ROBO2: variants seen among roughly 807,000 people sequenced by gnomAD.
The protein encoded by ROBO2 is roundabout guidance receptor 2, also known as roundabout homolog 2.
A neutral mutation model predicts 160.8 loss-of-function variants in ROBO2; 53 were observed. That is an observed-to-expected ratio of 0.33 (90% confidence interval 0.26 to 0.41). The LOEUF (loss-of-function observed/expected upper bound fraction) is 0.41, where lower values mean the gene tolerates loss of function less well. Among genes scored for constraint, ROBO2 ranks in the 10% least tolerant of loss-of-function variants. The probability of loss-of-function intolerance (pLI) is 1.00; values close to 1 mark genes in which losing one functional copy is unlikely to be tolerated. For missense variants in ROBO2, 1,577 were observed against 1,722.4 expected (o/e 0.92, Z 1.49); for synonymous variants, 664 against 611.7 (o/e 1.09, Z -1.26).
intron 2 of ROBO2, among the ~76,000 whole-genome samples, chr3:76,310,170 C>A (rs2107777746): frequency 6.6e-6 from 1 of 152,306 alleles, no homozygotes; most frequent in African/African-American, 2.4e-5. Flanking sequence ...ACGTCATCTT[C>A]ATCCAGGGGC....
intron 2 of ROBO2, among the ~76,000 whole-genome samples, chr3:77,155,006 C>T (rs1489663838): frequency 1.3e-5 from 2 of 151,386 alleles, no homozygotes; most frequent in Non-Finnish European, 2.9e-5. Flanking sequence ...ACGTATACTC[C>T]CTGAAACTAA....
chr3:76,060,366 G>A (rs1474000780), intron 2 of ROBO2, among the ~76,000 whole-genome samples: 1 of 152,196 alleles, frequency 6.6e-6, no homozygotes, highest in African/African-American at 2.4e-5. Context: ...GAGTGAATAA[G>A]TATGTCTGTG....
chr3:76,066,787 TTTA>T (rs2068267055), intron 2 of ROBO2, among the ~76,000 whole-genome samples: 1 of 151,842 alleles, frequency 6.6e-6, no homozygotes, highest in African/African-American at 2.4e-5. Flanking sequence ...AAATTTCATG[TTTA>T]TTAAGTTTTA....
At chr3:77,436,939 T>C (rs2079353231) in intron 2 of ROBO2, among the ~76,000 whole-genome samples, 1 of 151,992 alleles carries the variant, frequency 6.6e-6, no homozygotes, top group African/African-American at 2.4e-5. Context: ...TATTTTATTA[T>C]TAAGAAGTGT....
intron 2 of ROBO2, among the ~76,000 whole-genome samples, chr3:77,291,763 T>G (rs1007868592): frequency 7.1e-6 from 1 of 141,390 alleles, no homozygotes; most frequent in African/African-American, 2.7e-5. Context: ...CACCCAGACA[T>G]AAAGTAAAAT....
intron 2 of ROBO2, among the ~76,000 whole-genome samples, chr3:76,146,864 CCACACACACACT>C (rs1448318515): frequency 1.4e-5 from 2 of 147,422 alleles, no homozygotes; most frequent in African/African-American, 2.5e-5. Context: ...CTCCCCTCCA[CCACACACACACT>C]CACACACACA....
At chr3:77,400,438 G>C (rs959795061) in intron 2 of ROBO2, among the ~76,000 whole-genome samples, 1 of 152,124 alleles carries the variant, frequency 6.6e-6, no homozygotes, top group African/African-American at 2.4e-5. Flanking sequence ...GTCTTTTGGG[G>C]GGCCTTTTAA....
intron 2 of ROBO2, among the ~76,000 whole-genome samples, chr3:77,148,722 A>T (rs186085271): frequency 6.6e-6 from 1 of 152,202 alleles, no homozygotes; most frequent in Non-Finnish European, 1.5e-5. Context: ...TATGTCAAGC[A>T]AATACCGCTA....
chr3:75,937,519 C>A, exon 2 of ROBO2: 1 of 1,575,718 alleles, frequency 6.3e-7, no homozygotes, highest in Admixed American at 1.7e-5. Flanking sequence ...GAACGTGTCA[C>A]TAGAAGGATG....
intron 2 of ROBO2, among the ~76,000 whole-genome samples, chr3:76,565,920 T>C (rs998781267): frequency 1.3e-5 from 2 of 152,098 alleles, no homozygotes; most frequent in African/African-American, 4.8e-5. Context: ...TGAATGACCA[T>C]GTCAACTCCC....
At position 76,426,085 on chromosome 3, in the gene ROBO2, C is replaced by T. The variant is rs186159993; in HGVS notation, c.109+488483C>T. Among the ~76,000 whole-genome samples, 422 of 152,086 alleles carry T rather than the reference C, an allele frequency of 2.8e-3. 2 individuals are homozygous for T. The highest frequency in any genetic ancestry group is 3.5e-3 in the African/African-American group (145 of 41,490). ...TATGTGCACAGATGAGTGTTGAGAC[C>T]GTTATAACACAGGCAGAAAGTTTCA... is the stretch of plus-strand genomic sequence containing the variant. On this transcript the variant is annotated intron_variant, in intron 2 of 26. Transcript: ENST00000487694.
chr3:77,527,866 A>G (rs2091314864), intron 6 of ROBO2, among the ~76,000 whole-genome samples: 2 of 151,518 alleles, frequency 1.3e-5, no homozygotes, highest in African/African-American at 2.4e-5. Flanking sequence ...TATTTTAGGG[A>G]TATTTTTAGC....
intron 2 of ROBO2, among the ~76,000 whole-genome samples, chr3:76,104,578 A>C (rs749169469): frequency 6.6e-6 from 1 of 152,216 alleles, no homozygotes; most frequent in Non-Finnish European, 1.5e-5. Flanking sequence ...TTTCTAATGA[A>C]TTCCAATCAA....
chr3:77,439,173 T>C (rs955697511), intron 2 of ROBO2, among the ~76,000 whole-genome samples: 2 of 152,052 alleles, frequency 1.3e-5, no homozygotes, highest in African/African-American at 4.8e-5. Flanking sequence ...AACATTCTAT[T>C]TACTATTATC....
intron 23 of ROBO2, among the ~76,000 whole-genome samples, chr3:77,625,454 T>A (rs2094993209): frequency 6.6e-6 from 1 of 151,996 alleles, no homozygotes; most frequent in South Asian, 2.1e-4. Context: ...CTCGGCTCAC[T>A]GCAACCTATC....
At chr3:76,221,078 C>T (rs991707641) in intron 2 of ROBO2, among the ~76,000 whole-genome samples, 2 of 152,186 alleles carry the variant, frequency 1.3e-5, no homozygotes, top group Non-Finnish European at 2.9e-5. Flanking sequence ...TCTTTACTTC[C>T]ATTGAGAAGT....
intron 2 of ROBO2, among the ~76,000 whole-genome samples, chr3:76,215,668 C>A (rs566545148): frequency 1.3e-5 from 2 of 152,188 alleles, no homozygotes; most frequent in South Asian, 4.1e-4. Flanking sequence ...TGTGAAAAGA[C>A]CAAATCTATG....
chr3:77,615,104 C>T (rs2094740500), intron 21 of ROBO2, among the ~76,000 whole-genome samples: 1 of 152,138 alleles, frequency 6.6e-6, no homozygotes, highest in Non-Finnish European at 1.5e-5. Context: ...TCAGCTTTCC[C>T]CACTGAATTG....
intron 2 of ROBO2, among the ~76,000 whole-genome samples, chr3:77,229,575 C>T (rs779291318): frequency 6.6e-6 from 1 of 151,618 alleles, no homozygotes; most frequent in African/African-American, 2.4e-5. Flanking sequence ...GCAGGAGGAT[C>T]GCTTGAACCC....
Sources: gnomAD v4.1 joint callset for allele counts (sites outside exome capture counted in the v4.1 genomes callset) on GRCh38, gnomAD v4.1.1 for gene constraint, MANE v1.5 for transcripts, NCBI Gene and HGNC (gene_info 2026-07-23, HGNC 2026-07-21) for gene names.